Variants in TTC23L observed in about 807,000 individuals in gnomAD.
TTC23L encodes the protein tetratricopeptide repeat domain 23 like, also known as tetratricopeptide repeat protein 23-like.
In TTC23L, 42 loss-of-function variants were observed where a neutral mutation model predicts 48.1. The ratio of observed to expected loss-of-function variants is 0.87; its 90% CI spans 0.68 to 1.13. The LOEUF (loss-of-function observed/expected upper bound fraction) is 1.13. TTC23L is among the 50% of genes most tolerant of loss of function. TTC23L has a pLI of 0.00. For missense variants in TTC23L, 391 were observed against 421.0 expected (o/e 0.93, Z 0.62); for synonymous variants, 159 against 157.2 (o/e 1.01, Z -0.09).
At chr5:34,886,550 C>T (rs987078252) in intron 9 of TTC23L, among the ~76,000 whole-genome samples, 7 of 152,036 alleles carry the variant, frequency 4.6e-5, no homozygotes, top group African/African-American at 9.7e-5. Flanking sequence ...CTGAGGAAGG[C>T]GACTTTTGGC....
At position 34,864,471 on chromosome 5, in the gene TTC23L, G is replaced by T; in HGVS notation, c.571G>T (p.Glu191Ter). The change falls in exon 6 of 11, where the codon GAG (glutamate) becomes TAG (stop). Residue 191 changes from glutamate to a stop codon, truncating the protein, a stop_gained. Transcript: ENST00000505624. LOFTEE classifies it high-confidence loss of function. ...AGCCTATTTCAACCTGCAGAAGGCAGAGAGAAACATGAAGGAGCTGAAAGA... is the reference window on the plus strand; with the variant it reads ...AGCCTATTTCAACCTGCAGAAGGCATAGAGAAACATGAAGGAGCTGAAAGA... 1 of 1,613,826 alleles carries T rather than the reference G, an allele frequency of 6.2e-7. No homozygotes were observed. The highest frequency in any genetic ancestry group is 8.5e-7 in the Non-Finnish European group (1 of 1,179,798).
chr5:34,924,877 A>G, the TTC23L span: 2 of 1,606,794 alleles, frequency 1.2e-6, no homozygotes, highest in East Asian at 2.2e-5. Flanking sequence ...TCTTGTAGAA[A>G]TAGGACCTCG....
At chr5:34,923,864 T>C in the TTC23L span, among the ~76,000 whole-genome samples, 1 of 152,220 alleles carries the variant, frequency 6.6e-6, no homozygotes, top group African/African-American at 2.4e-5. Context: ...CCTACTTCTA[T>C]TCATGACTGT....
chr5:34,904,452 G>C (rs570267178), downstream of TTC23L, among the ~76,000 whole-genome samples: 1 of 151,622 alleles, frequency 6.6e-6, no homozygotes, highest in African/African-American at 2.4e-5. Context: ...TTATTAGCTC[G>C]ATGTGGTGGC....
At chr5:34,922,782 T>G in the TTC23L span, 1 of 1,608,068 alleles carries the variant, frequency 6.2e-7, no homozygotes, top group East Asian at 2.2e-5. Context: ...AGTTTCTCAT[T>G]CAGTGTATGA....
intron 9 of TTC23L, among the ~76,000 whole-genome samples, chr5:34,892,992 C>G (rs564625278): frequency 6.6e-6 from 1 of 152,264 alleles, no homozygotes; most frequent in Admixed American, 6.5e-5. Flanking sequence ...AACATTAACT[C>G]TGACAGCAAT....
chr5:34,845,370 G>T (rs1759023340), intron 2 of TTC23L, 117 bp from the exon 3 acceptor site: 4 of 1,081,966 alleles, frequency 3.7e-6, no homozygotes, highest in Middle Eastern at 2.3e-4. Flanking sequence ...ATTCCTTCCG[G>T]TTTATGTTAG....
the TTC23L span, chr5:34,922,697 C>T: frequency 6.2e-7 from 1 of 1,613,608 alleles, no homozygotes; most frequent in Non-Finnish European, 8.5e-7. Flanking sequence ...TTTTCTAGTT[C>T]ATACCCTCGC....
chr5:34,846,295 C>A lies in TTC23L; in HGVS notation c.255+622C>A, dbSNP rs541193183. Among the ~76,000 whole-genome samples, 253 of 151,724 alleles carry A rather than the reference C, an allele frequency of 1.7e-3. 1 individual carries two copies. The highest frequency in any genetic ancestry group is 5.7e-3 in the African/African-American group (237 of 41,370). On this transcript the variant is annotated intron_variant, in intron 3 of 10. Coordinates refer to ENST00000505624, the Ensembl canonical transcript of TTC23L. Reference sequence around the variant, plus strand: ...AAAAAAATAGCTGGGCGTGGTGGCTCACACCTGTAATCCCAGCACTTTGGG... The same window carrying A: ...AAAAAAATAGCTGGGCGTGGTGGCTAACACCTGTAATCCCAGCACTTTGGG...
the TTC23L span, chr5:34,905,988 T>C: frequency 2.6e-5 from 4 of 152,280 alleles, no homozygotes; most frequent in East Asian, 5.8e-4. Flanking sequence ...GGAGTCTTGC[T>C]CTGTCACCCA....
the TTC23L span, chr5:34,909,446 A>G: frequency 1.2e-6 from 1 of 854,140 alleles, no homozygotes; most frequent in Non-Finnish European, 1.9e-6. Context: ...TAAGAAATTC[A>G]TACTAGTGGG....
intron 4 of TTC23L, among the ~76,000 whole-genome samples, chr5:34,860,088 C>T (rs1477644517): frequency 2.6e-5 from 4 of 152,052 alleles, no homozygotes; most frequent in African/African-American, 4.8e-5. Context: ...ACCTCGTGAT[C>T]CGCCCGCCTC....
At chr5:34,886,789 T>C (rs1471341211) in intron 9 of TTC23L, among the ~76,000 whole-genome samples, 1 of 152,236 alleles carries the variant, frequency 6.6e-6, no homozygotes, top group African/African-American at 2.4e-5. Flanking sequence ...GACAAGGGTC[T>C]TAAAAGAGTA....
rs1760795756 is a variant in TTC23L at position 34,863,040 on chromosome 5, G to A, written c.522G>A (p.Trp174Ter). The A allele has an allele frequency of 6.2e-7, 1 of 1,613,956 alleles. No homozygotes were observed. The highest frequency in any genetic ancestry group is 1.3e-5 in the African/African-American group (1 of 75,034). ...TGTACTACACTCTGGGCGTGGCCTG[G>A]CTCCTGCAGAACCGATATCCTTCCA... The change falls in exon 5 of 11, where the codon TGG (tryptophan) becomes TGA (stop). Residue 174 changes from tryptophan to a stop codon, truncating the protein, a stop_gained. Coordinates refer to ENST00000505624, the Ensembl canonical transcript of TTC23L. LOFTEE classifies it high-confidence loss of function. The surrounding 1 kb of genome is among the most constrained non-coding windows in gnomAD (Gnocchi z 4.1).
chr5:34,884,687 T>C (rs1213133408), intron 9 of TTC23L, among the ~76,000 whole-genome samples: 1 of 151,758 alleles, frequency 6.6e-6, no homozygotes, highest in Non-Finnish European at 1.5e-5. Flanking sequence ...CCATTTACAA[T>C]AGCATCAAAA....
chr5:34,898,931 G>A (rs2111887263), intron 10 of TTC23L, among the ~76,000 whole-genome samples: 1 of 152,248 alleles, frequency 6.6e-6, no homozygotes, highest in Admixed American at 6.5e-5. Context: ...TTCAGTAATG[G>A]GAAATCAGAG....
the TTC23L span, chr5:34,907,350 G>A: frequency 6.6e-6 from 1 of 152,158 alleles, no homozygotes; most frequent in Non-Finnish European, 1.5e-5. Flanking sequence ...AAGGCTAAAT[G>A]AATCCTGCAA....
At chr5:34,887,726 AAG>A (rs1762625403) in intron 9 of TTC23L, among the ~76,000 whole-genome samples, 1 of 152,208 alleles carries the variant, frequency 6.6e-6, no homozygotes, top group Non-Finnish European at 1.5e-5. Context: ...TCTCATGAGA[AAG>A]TAGTTGGTAT....
At chr5:34,857,522 C>T (rs996963594) in intron 4 of TTC23L, among the ~76,000 whole-genome samples, 2 of 152,108 alleles carry the variant, frequency 1.3e-5, no homozygotes, top group Non-Finnish European at 2.9e-5. Flanking sequence ...CTGATACCTA[C>T]CTGAAGTGAG....
Sources: gnomAD v4.1 joint callset for allele counts (sites outside exome capture counted in the v4.1 genomes callset) on GRCh38, gnomAD v4.1.1 for gene constraint, Gnocchi (gnomAD v3.1) non-coding constraint, MANE v1.5 for transcripts, NCBI Gene and HGNC (gene_info 2026-07-23, HGNC 2026-07-21) for gene names.